NRF1: variants seen among roughly 807,000 people sequenced by gnomAD.
The protein encoded by NRF1 is nuclear respiratory factor 1, also known as alpha palindromic-binding protein.
A neutral mutation model predicts 58.5 loss-of-function variants in NRF1; 5 were observed. The ratio of observed to expected loss-of-function variants is 0.09; its 90% CI spans 0.04 to 0.18. The LOEUF (loss-of-function observed/expected upper bound fraction) is 0.18. NRF1 is among the 10% of genes least tolerant of loss of function. NRF1 has a pLI of 1.00. For synonymous variants in NRF1, 224 were observed against 246.7 expected (o/e 0.91, Z 0.86); for missense variants, 288 against 657.7 (o/e 0.44, Z 6.15).
chr7:129,701,118 C>T (rs1016285828), intron 5 of NRF1, among the ~76,000 whole-genome samples: 1 of 151,830 alleles, frequency 6.6e-6, no homozygotes, highest in African/African-American at 2.4e-5. Flanking sequence ...CAATTAATAT[C>T]CAGAGCAGAT....
intron 9 of NRF1, among the ~76,000 whole-genome samples, chr7:129,722,452 T>G (rs1442625727): frequency 1.3e-5 from 2 of 151,384 alleles, no homozygotes; most frequent in Admixed American, 1.3e-4. Context: ...TAAAGTTGAG[T>G]GTAAAAGGTT....
chr7:129,639,854 C>G (rs535071896), intron 1 of NRF1, among the ~76,000 whole-genome samples: 125 of 152,202 alleles, frequency 8.2e-4, no homozygotes, highest in African/African-American at 1.7e-3. Flanking sequence ...TTCCGCCCCC[C>G]CTTTTTTAAA....
At chr7:129,649,493 A>G (rs1009022449) in intron 1 of NRF1, among the ~76,000 whole-genome samples, 1 of 152,172 alleles carries the variant, frequency 6.6e-6, no homozygotes, top group Non-Finnish European at 1.5e-5. Context: ...TTTTTAAAAT[A>G]CTCTACACTT....
intron 1 of NRF1, among the ~76,000 whole-genome samples, chr7:129,625,998 GT>G: frequency 6.6e-6 from 1 of 151,876 alleles, no homozygotes; most frequent in Middle Eastern, 3.4e-3. Context: ...TTTAATTTTT[GT>G]TTTAGAGACA....
chr7:129,619,490 G>A (rs11760444), intron 1 of NRF1, among the ~76,000 whole-genome samples: 9,960 of 46,522 alleles, frequency 0.21, 842 homozygotes, highest in Middle Eastern at 0.27. Flanking sequence ...GTGTGTGTGT[G>A]TATATATATA....
At chr7:129,750,545 CTA>C (rs1804090914) in intron 10 of NRF1, among the ~76,000 whole-genome samples, 1 of 152,160 alleles carries the variant, frequency 6.6e-6, no homozygotes, top group Non-Finnish European at 1.5e-5. Context: ...GACAGAAACT[CTA>C]TGTAGAAAAC....
Position 129,690,522 on chromosome 7 carries a change from A to C in NRF1, c.582A>C (p.Pro194=), listed in dbSNP as rs747974214. 9 of 1,614,200 alleles carry C rather than the reference A, an allele frequency of 5.6e-6. No homozygotes were observed. The highest frequency in any genetic ancestry group is 1.7e-5 in the Admixed American group (1 of 60,022). ...ELPPLTIDGI[P]VSVDKMTQAQ... ...CGCCTCTCACCATCGACGGAATTCC[A>C]GTCTCTGTGGACAAAATGACCCAGG... Residue 194 remains proline, a synonymous_variant, in exon 5 of 11, where the codon CCA becomes CCC. Coordinates refer to ENST00000393232, the MANE Select transcript of NRF1 (RefSeq NM_005011.5).
At chr7:129,616,060 C>A (rs767509612) in intron 1 of NRF1, among the ~76,000 whole-genome samples, 6 of 152,110 alleles carry the variant, frequency 3.9e-5, no homozygotes, top group Non-Finnish European at 7.3e-5. Flanking sequence ...TATACACACA[C>A]ACATATATAT....
At chr7:129,742,451 A>G (rs1171160707) in intron 10 of NRF1, among the ~76,000 whole-genome samples, 2 of 152,122 alleles carry the variant, frequency 1.3e-5, no homozygotes, top group Non-Finnish European at 2.9e-5. Flanking sequence ...GACTCTGCCC[A>G]GCCCATCCTC....
intron 4 of NRF1, among the ~76,000 whole-genome samples, chr7:129,679,830 G>A (rs1323154300): frequency 2.7e-5 from 4 of 150,824 alleles, no homozygotes; most frequent in Non-Finnish European, 5.9e-5. Context: ...GGCCAAGGTG[G>A]GTAGATCACT....
chr7:129,738,916 T>C (rs1445149048), intron 10 of NRF1, among the ~76,000 whole-genome samples: 1 of 152,226 alleles, frequency 6.6e-6, no homozygotes, highest in Non-Finnish European at 1.5e-5. Context: ...CAGCTTAGCC[T>C]ACCTAGGAAG....
rs1028893652 is a variant in NRF1, at chr7:129,740,034, G to A, written c.1348+12669G>A. Among the ~76,000 whole-genome samples the A allele has an allele frequency of 1.1e-4, 16 of 152,302 alleles. No homozygotes were observed. In the South Asian group the frequency reaches 2.1e-3, roughly 20 times the overall value. The stretch of plus-strand genomic sequence containing the variant: ...GTTTCTCACCCAACCTTTTCATGGT[G>A]TTGAGGAGGGGAAGGGACAGCTCAG... On this transcript the variant is annotated intron_variant, in intron 10 of 10. Coordinates refer to ENST00000393232, the MANE Select transcript of NRF1 (RefSeq NM_005011.5).
chr7:129,696,082 A>AAAC (rs1562973689), intron 5 of NRF1, among the ~76,000 whole-genome samples: 1 of 144,642 alleles, frequency 6.9e-6, no homozygotes, highest in African/African-American at 2.6e-5. Context: ...AAAAAAAAAA[A>AAAC]AAAACAACCA....
chr7:129,706,001 A>G (rs935023396), intron 5 of NRF1, among the ~76,000 whole-genome samples: 3 of 152,170 alleles, frequency 2.0e-5, no homozygotes, highest in South Asian at 2.1e-4. Context: ...AGAATGTAGG[A>G]CTTTTCTGGG....
intron 1 of NRF1, among the ~76,000 whole-genome samples, chr7:129,644,642 AAT>A (rs1562958100): frequency 6.6e-6 from 1 of 152,216 alleles, no homozygotes; most frequent in Non-Finnish European, 1.5e-5. Flanking sequence ...ACACATTTAG[AAT>A]ATTTCCATCA....
intron 10 of NRF1, among the ~76,000 whole-genome samples, chr7:129,754,322 G>T: frequency 6.6e-6 from 1 of 151,488 alleles, no homozygotes. Context: ...TATTAGCCAG[G>T]CATGGTGGCA....
chr7:129,733,109 T>G (rs115862885), intron 10 of NRF1, among the ~76,000 whole-genome samples: 2 of 151,884 alleles, frequency 1.3e-5, no homozygotes, highest in East Asian at 2.0e-4. Flanking sequence ...GAAAAAACTT[T>G]TATTCAAAAT....
At chr7:129,628,676 A>C (rs1200142840) in intron 1 of NRF1, among the ~76,000 whole-genome samples, 1 of 152,230 alleles carries the variant, frequency 6.6e-6, no homozygotes. Context: ...ATCTGGTCTC[A>C]TACCAAATAT....
At chr7:129,719,703 G>C (rs1455390431) in intron 9 of NRF1, among the ~76,000 whole-genome samples, 1 of 151,860 alleles carries the variant, frequency 6.6e-6, no homozygotes, top group Non-Finnish European at 1.5e-5. Flanking sequence ...GTCTTACTTG[G>C]TTCCTTACAC....
Sources: allele counts gnomAD v4.1 joint callset (sites outside exome capture counted in the v4.1 genomes callset), GRCh38; gene constraint gnomAD v4.1.1; transcripts MANE v1.5; gene names NCBI Gene and HGNC (gene_info 2026-07-23, HGNC 2026-07-21).